Variants in LHFPL3 observed in about 807,000 individuals in gnomAD.
LHFPL3 encodes LHFPL tetraspan subfamily member 3.
Under a neutral mutation model 19.3 loss-of-function variants are expected in LHFPL3, and 5 were observed. The ratio of observed to expected loss-of-function variants is 0.26; its 90% CI spans 0.14 to 0.54. LHFPL3 has a LOEUF of 0.54. Among genes scored for constraint, LHFPL3 ranks in the 20% least tolerant of loss-of-function variants. The pLI is 0.94. For synonymous variants in LHFPL3, 133 were observed against 126.2 expected (o/e 1.05, Z -0.36); for missense variants, 249 against 307.4 (o/e 0.81, Z 1.42).
intron 1 of LHFPL3, among the ~76,000 whole-genome samples, chr7:104,515,086 G>A (rs561247710): frequency 1.2e-4 from 18 of 152,222 alleles, no homozygotes; most frequent in Non-Finnish European, 2.2e-4. Context: ...CCCAGATGTG[G>A]CCTGCTGGCA....
intron 1 of LHFPL3, among the ~76,000 whole-genome samples, chr7:104,533,237 T>C (rs1189477994): frequency 6.6e-6 from 1 of 152,222 alleles, no homozygotes; most frequent in Non-Finnish European, 1.5e-5. Context: ...TGAAACTCTC[T>C]TCTCCACTAG....
intron 2 of LHFPL3, among the ~76,000 whole-genome samples, chr7:104,846,326 A>G (rs1288423531): frequency 2.6e-5 from 4 of 152,202 alleles, no homozygotes; most frequent in South Asian, 2.1e-4. Context: ...CTTGTTCTCA[A>G]TTTCACTGAA....
intron 1 of LHFPL3, among the ~76,000 whole-genome samples, chr7:104,350,972 G>A (rs972024502): frequency 6.6e-6 from 1 of 151,582 alleles, no homozygotes; most frequent in African/African-American, 2.4e-5. Context: ...CCTGGGAGGC[G>A]GAGGTTTCAG....
chr7:104,525,611 T>A (rs1206693351), intron 1 of LHFPL3, among the ~76,000 whole-genome samples: 1 of 115,616 alleles, frequency 8.6e-6, no homozygotes, highest in African/African-American at 3.3e-5. Context: ...TTTGGGTTTT[T>A]TTTTTTTTTT....
rs1790745247 is a variant in LHFPL3, at chr7:104,592,435, A to AGCAAATATTGCAGAACT, written c.446-144234_446-144233insATTGCAGAACTGCAAAT. Among the ~76,000 whole-genome samples the AGCAAATATTGCAGAACT allele has an allele frequency of 1.3e-5, 2 of 150,640 alleles. 1 individual carries two copies. The highest frequency in any genetic ancestry group is 4.3e-4 in the South Asian group (2 of 4,676). On this transcript the variant is annotated intron_variant, in intron 1 of 2. Coordinates refer to ENST00000424859, the MANE Select transcript of LHFPL3 (RefSeq NM_199000.3). ...GTATCACCAGCGGAGGCTGCAGAAC[A>AGCAAATATTGCAGAACT]GCAAATGTTGCTGCCTGGTCCTTCC...
chr7:104,786,878 T>C (rs1364342165), intron 2 of LHFPL3, among the ~76,000 whole-genome samples: 3 of 152,212 alleles, frequency 2.0e-5, no homozygotes, highest in African/African-American at 7.2e-5. Flanking sequence ...ACTTTTAAAA[T>C]AACATAGTGA....
At chr7:104,389,909 A>G (rs557304289) in intron 1 of LHFPL3, among the ~76,000 whole-genome samples, 1 of 152,250 alleles carries the variant, frequency 6.6e-6, no homozygotes, top group Admixed American at 6.5e-5. Context: ...AAAACCATAA[A>G]ACTGCCAGAA....
intron 1 of LHFPL3, among the ~76,000 whole-genome samples, chr7:104,702,280 C>T (rs1034586506): frequency 6.6e-6 from 1 of 152,138 alleles, no homozygotes. Flanking sequence ...CATCTGTGTG[C>T]CAGGAAAAAC....
At chr7:104,365,792 A>AAAATAAATAAATAAATAAATAAAAT (rs1790478641) in intron 1 of LHFPL3, among the ~76,000 whole-genome samples, 1 of 140,218 alleles carries the variant, frequency 7.1e-6, no homozygotes, top group Non-Finnish European at 1.6e-5. Context: ...CGTCTCAAAA[A>AAAATAAATAAATAAATAAATAAAAT]AAAAAAAAAA....
chr7:104,859,812 A>G (rs1363927549), intron 2 of LHFPL3, among the ~76,000 whole-genome samples: 1 of 152,234 alleles, frequency 6.6e-6, no homozygotes, highest in Non-Finnish European at 1.5e-5. Context: ...GTATAATACT[A>G]AAAGTGTACT....
At chr7:104,500,780 C>T (rs1793585145) in intron 1 of LHFPL3, among the ~76,000 whole-genome samples, 1 of 152,210 alleles carries the variant, frequency 6.6e-6, no homozygotes, top group Admixed American at 6.5e-5. Flanking sequence ...ACAGTAAACC[C>T]TCCTTTGTGT....
At chr7:104,576,652 G>GTTTGT (rs968761887) in intron 1 of LHFPL3, among the ~76,000 whole-genome samples, 6 of 151,884 alleles carry the variant, frequency 4.0e-5, no homozygotes, top group South Asian at 4.2e-4. Context: ...TTGTTTGTTT[G>GTTTGT]TTTGTTTTGT....
intron 1 of LHFPL3, among the ~76,000 whole-genome samples, chr7:104,653,989 T>C (rs1457223179): frequency 6.6e-6 from 1 of 152,180 alleles, no homozygotes; most frequent in Non-Finnish European, 1.5e-5. Context: ...AGCAACTTCC[T>C]GCATGACAAT....
chr7:104,513,252 G>A (rs562052147), intron 1 of LHFPL3, among the ~76,000 whole-genome samples: 1 of 152,278 alleles, frequency 6.6e-6, no homozygotes, highest in South Asian at 2.1e-4. Flanking sequence ...TGGTAGGTAG[G>A]ATGGTAGGGG....
intron 2 of LHFPL3, among the ~76,000 whole-genome samples, chr7:104,828,927 C>T (rs1044510247): frequency 1.3e-5 from 2 of 151,756 alleles, no homozygotes; most frequent in Non-Finnish European, 1.5e-5. Context: ...CCCAGCTTCT[C>T]GGGAGGCTGG....
chr7:104,610,147 C>A (rs1168586348), intron 1 of LHFPL3, among the ~76,000 whole-genome samples: 1 of 151,996 alleles, frequency 6.6e-6, no homozygotes, highest in African/African-American at 2.4e-5. Context: ...TACAATAAGT[C>A]AAAACTTTGG....
At chr7:104,668,242 G>T (rs1298473770) in intron 1 of LHFPL3, 17 of 1,612,526 alleles carry the variant, frequency 1.1e-5, no homozygotes, top group Non-Finnish European at 1.4e-5. Context: ...AGTAACAGGA[G>T]AATTCGAGTG....
At chr7:104,711,387 T>G (rs925519094) in intron 1 of LHFPL3, among the ~76,000 whole-genome samples, 1 of 152,122 alleles carries the variant, frequency 6.6e-6, no homozygotes, top group African/African-American at 2.4e-5. Flanking sequence ...AAGACTGGGA[T>G]TAGTCAAGTA....
At chr7:104,421,915 A>G (rs1410826425) in intron 1 of LHFPL3, among the ~76,000 whole-genome samples, 2 of 152,190 alleles carry the variant, frequency 1.3e-5, no homozygotes, top group Non-Finnish European at 2.9e-5. Context: ...TAGTATCCTT[A>G]TAAGGAAAGA....
Sources: allele counts gnomAD v4.1 joint callset (sites outside exome capture counted in the v4.1 genomes callset), GRCh38; gene constraint gnomAD v4.1.1; transcripts MANE v1.5; gene names NCBI Gene and HGNC (gene_info 2026-07-23, HGNC 2026-07-21).